Variants in MYO3B observed in about 807,000 individuals in gnomAD.
MYO3B encodes myosin IIIB.
A neutral mutation model predicts 174.6 loss-of-function variants in MYO3B; 156 were observed. The ratio of observed to expected loss-of-function variants is 0.89; its 90% CI spans 0.78 to 1.02. MYO3B has a LOEUF of 1.02. Among genes scored for constraint, MYO3B ranks in the 50% least tolerant of loss-of-function variants. The pLI is 0.00. For synonymous variants in MYO3B, 563 were observed against 569.1 expected, an observed-to-expected ratio of 0.99 and a Z score of 0.15; for missense variants, 1,632 against 1,639.4, an observed-to-expected ratio of 1.00 and a Z score of 0.08.
At position 170,619,171 on chromosome 2, in the gene MYO3B, T is replaced by C. The variant is rs565717076; in HGVS notation, c.3734-32457T>C. Among the ~76,000 whole-genome samples the C allele has an allele frequency of 2.6e-5, 4 of 152,240 alleles. No homozygotes were observed. In the East Asian group the frequency reaches 5.8e-4, roughly 22 times the overall value. On this transcript the variant is annotated intron_variant, in intron 32 of 34. Transcript: ENST00000408978. ...CATATGGACAGGCGCCCCACCCCCA[T>C]GCATCCGTTTATAGGCTCTCCACAA...
intron 7 of MYO3B, among the ~76,000 whole-genome samples, chr2:170,332,504 A>G (rs1253193466): frequency 6.6e-6 from 1 of 152,194 alleles, no homozygotes; most frequent in Admixed American, 6.6e-5. Flanking sequence ...ATTAGAATTT[A>G]TATTGCCAGT....
intron 22 of MYO3B, among the ~76,000 whole-genome samples, chr2:170,424,930 A>T (rs2105868146): frequency 6.6e-6 from 1 of 152,350 alleles, no homozygotes; most frequent in East Asian, 1.9e-4. Context: ...TTCATAGAAA[A>T]GAAAAATGTT....
rs182070939 is a variant in MYO3B, at chr2:170,193,138, A to G, written c.3-6070A>G. Among the ~76,000 whole-genome samples the G allele has an allele frequency of 2.6e-5, 4 of 151,882 alleles. No individual in the cohort carries two copies. The East Asian group carries it at 7.7e-4, about 29-fold the overall frequency. Reference sequence around the variant, plus strand: ...TTGTGTTTTGTCTATTTCTTCTATAAGTTTATGCTTTTATGAATTTTGACA... The same window carrying G: ...TTGTGTTTTGTCTATTTCTTCTATAGGTTTATGCTTTTATGAATTTTGACA... On this transcript the variant is annotated intron_variant, in intron 1 of 34. Coordinates refer to ENST00000408978, the MANE Select transcript of MYO3B (RefSeq NM_138995.5).
At chr2:170,608,466 C>T (rs1280162558) in intron 32 of MYO3B, among the ~76,000 whole-genome samples, 1 of 152,138 alleles carries the variant, frequency 6.6e-6, no homozygotes, top group African/African-American at 2.4e-5. Context: ...AAAAGGCAAC[C>T]AAGAGAAGTT....
intron 32 of MYO3B, among the ~76,000 whole-genome samples, chr2:170,567,246 C>A (rs1692127164): frequency 6.6e-6 from 1 of 152,156 alleles, no homozygotes; most frequent in African/African-American, 2.4e-5. Flanking sequence ...ATAATGTATT[C>A]TACTGAAATT....
intron 25 of MYO3B, among the ~76,000 whole-genome samples, chr2:170,489,060 C>G (rs1686258589): frequency 6.6e-6 from 1 of 152,140 alleles, no homozygotes; most frequent in Non-Finnish European, 1.5e-5. Flanking sequence ...GCCAGAGTGT[C>G]AAAGATACCA....
At chr2:170,196,968 A>G (rs771800590) in intron 1 of MYO3B, among the ~76,000 whole-genome samples, 97 of 152,010 alleles carry the variant, frequency 6.4e-4, no homozygotes, top group Non-Finnish European at 1.1e-3. Context: ...TCCTGCAGAT[A>G]ACATCACTAT....
intron 7 of MYO3B, among the ~76,000 whole-genome samples, chr2:170,273,740 A>G (rs1276101812): frequency 2.3e-5 from 1 of 44,308 alleles, no homozygotes; most frequent in Non-Finnish European, 5.4e-5. Flanking sequence ...CCCGTCAAGC[A>G]GGATTGGACT....
At chr2:170,303,325 C>A (rs539103009) in intron 7 of MYO3B, among the ~76,000 whole-genome samples, 33 of 152,080 alleles carry the variant, frequency 2.2e-4, no homozygotes, top group Non-Finnish European at 4.3e-4. Context: ...TGTTCACACC[C>A]ACAGTGTATG....
At chr2:170,278,767 C>G (rs980184644) in intron 7 of MYO3B, among the ~76,000 whole-genome samples, 2 of 152,060 alleles carry the variant, frequency 1.3e-5, no homozygotes, top group Non-Finnish European at 2.9e-5. Flanking sequence ...CCCCCTAACC[C>G]CCGCCACATA....
At chr2:170,629,530 AG>A (rs1244584230) in intron 32 of MYO3B, among the ~76,000 whole-genome samples, 1 of 152,184 alleles carries the variant, frequency 6.6e-6, no homozygotes, top group Non-Finnish European at 1.5e-5. Context: ...ATCAGAACTA[AG>A]GGTATACTGA....
chr2:170,613,384 GTCCT>G (rs1695239033), intron 32 of MYO3B, among the ~76,000 whole-genome samples: 1 of 152,178 alleles, frequency 6.6e-6, no homozygotes, highest in South Asian at 2.1e-4. Flanking sequence ...GCACACCTCA[GTCCT>G]TCCATCCTCT....
At chr2:170,197,490 C>A (rs746892580) in intron 1 of MYO3B, among the ~76,000 whole-genome samples, 47 of 152,226 alleles carry the variant, frequency 3.1e-4, no homozygotes, top group Non-Finnish European at 5.1e-4. Flanking sequence ...CTCATTTTCA[C>A]TGAATGCTAC....
intron 18 of MYO3B, 65 bp from the exon 19 acceptor site, chr2:170,402,783 T>C: frequency 6.8e-7 from 1 of 1,476,324 alleles, no homozygotes; most frequent in Non-Finnish European, 9.1e-7. Context: ...TGGGCACATA[T>C]ATTCTCATCC....
chr2:170,580,077 C>G (rs1693033003), intron 32 of MYO3B, among the ~76,000 whole-genome samples: 1 of 152,142 alleles, frequency 6.6e-6, no homozygotes. Context: ...TCTTTTCACT[C>G]TTTACAGAAA....
intron 32 of MYO3B, among the ~76,000 whole-genome samples, chr2:170,550,328 A>C (rs749521658): frequency 6.6e-6 from 1 of 152,222 alleles, no homozygotes; most frequent in African/African-American, 2.4e-5. Context: ...TTTTAGACAA[A>C]TGGCTCTCAA....
chr2:170,480,089 T>G (rs1401269770), intron 25 of MYO3B, among the ~76,000 whole-genome samples: 1 of 151,558 alleles, frequency 6.6e-6, no homozygotes, highest in Non-Finnish European at 1.5e-5. Flanking sequence ...TATTTGTTTA[T>G]TTATAGACAG....
intron 5 of MYO3B, among the ~76,000 whole-genome samples, chr2:170,215,710 A>G (rs957952638): frequency 2.6e-5 from 4 of 152,248 alleles, no homozygotes; most frequent in Non-Finnish European, 4.4e-5. Flanking sequence ...ACACAAGCAA[A>G]GAAAAATAGC....
chr2:170,430,408 G>T (rs1259365688), intron 22 of MYO3B, among the ~76,000 whole-genome samples: 6 of 132,460 alleles, frequency 4.5e-5, no homozygotes, highest in Admixed American at 8.6e-5. Flanking sequence ...GTCTAGCTCT[G>T]TCACCCAGGC....
Sources: gnomAD v4.1 joint callset for allele counts (sites outside exome capture counted in the v4.1 genomes callset) on GRCh38, gnomAD v4.1.1 for gene constraint, MANE v1.5 for transcripts, NCBI Gene and HGNC (gene_info 2026-07-23, HGNC 2026-07-21) for gene names.